MAP2K4: variants seen among roughly 807,000 people sequenced by gnomAD.
The protein encoded by MAP2K4 is dual specificity mitogen-activated protein kinase kinase 4.
MAP2K4 carries 4 observed loss-of-function variants against 48.5 expected under a neutral mutation model. The observed-to-expected ratio is 0.08, with a 90% confidence interval of 0.04 to 0.19. The LOEUF (loss-of-function observed/expected upper bound fraction) is 0.19, where lower values mean the gene tolerates loss of function less well. MAP2K4 is among the 10% of genes least tolerant of loss of function. MAP2K4 has a pLI of 1.00. For synonymous variants in MAP2K4, 166 were observed against 173.1 expected, an observed-to-expected ratio of 0.96 and a Z score of 0.32; for missense variants, 258 against 493.3, an observed-to-expected ratio of 0.52 and a Z score of 4.52.
chr17:12,027,342 T>C (rs1181146992), intron 1 of MAP2K4, among the ~76,000 whole-genome samples: 1 of 152,122 alleles, frequency 6.6e-6, no homozygotes, highest in Non-Finnish European at 1.5e-5. Context: ...AACACATTAT[T>C]CTCCACCACG....
At chr17:12,117,494 T>C (rs1972540813) in intron 7 of MAP2K4, among the ~76,000 whole-genome samples, 1 of 152,106 alleles carries the variant, frequency 6.6e-6, no homozygotes, top group African/African-American at 2.4e-5. Context: ...TAAGCATGCC[T>C]ACAAAGGGTA....
At chr17:12,046,509 T>G (rs1969968824) in intron 1 of MAP2K4, among the ~76,000 whole-genome samples, 1 of 152,158 alleles carries the variant, frequency 6.6e-6, no homozygotes, top group African/African-American at 2.4e-5. Flanking sequence ...CCTGTGGAAT[T>G]ATATATTTGC....
At chr17:12,051,508 A>G (rs947327128) in intron 1 of MAP2K4, among the ~76,000 whole-genome samples, 17 of 152,210 alleles carry the variant, frequency 1.1e-4, no homozygotes, top group African/African-American at 2.7e-4. Flanking sequence ...CTATAGTTAA[A>G]GGGACAATGT....
intron 9 of MAP2K4, 134 bp from the exon 10 acceptor site, chr17:12,139,705 C>T: frequency 1.7e-6 from 1 of 581,206 alleles, no homozygotes; most frequent in Non-Finnish European, 3.0e-6. Context: ...CTGTGTTTAG[C>T]AGGCTGTCTG....
intron 2 of MAP2K4, among the ~76,000 whole-genome samples, chr17:12,056,839 C>G (rs1970296271): frequency 6.6e-6 from 1 of 152,064 alleles, no homozygotes; most frequent in South Asian, 2.1e-4. Context: ...AGGATGAGTA[C>G]TTGCAATTAG....
intron 4 of MAP2K4, among the ~76,000 whole-genome samples, chr17:12,105,332 T>C (rs558679528): frequency 3.9e-5 from 6 of 152,314 alleles, no homozygotes; most frequent in Admixed American, 1.3e-4. Context: ...GTTATTGTTA[T>C]GTCCTTTAGT....
At chr17:12,073,480 T>C (rs1005923735) in intron 2 of MAP2K4, among the ~76,000 whole-genome samples, 1 of 152,192 alleles carries the variant, frequency 6.6e-6, no homozygotes, top group Non-Finnish European at 1.5e-5. Context: ...CAGTGAGTGC[T>C]CTGATTTGTA....
chr17:12,089,784 G>A (rs1178357664), intron 3 of MAP2K4, among the ~76,000 whole-genome samples: 1 of 152,200 alleles, frequency 6.6e-6, no homozygotes, highest in Non-Finnish European at 1.5e-5. Flanking sequence ...GTCCTTCCAT[G>A]TCAGTTTTCC....
intron 7 of MAP2K4, chr17:12,124,203 C>T (rs1320319441): frequency 1.3e-5 from 2 of 152,136 alleles, no homozygotes; most frequent in Non-Finnish European, 2.9e-5. Context: ...AACTATTATG[C>T]TTCTCTGGGC....
At chr17:12,068,011 G>A (rs934954215) in intron 2 of MAP2K4, among the ~76,000 whole-genome samples, 1 of 152,164 alleles carries the variant, frequency 6.6e-6, no homozygotes, top group African/African-American at 2.4e-5. Flanking sequence ...CTAAACTTGA[G>A]TGAGTTTTAC....
intron 1 of MAP2K4, among the ~76,000 whole-genome samples, chr17:12,035,258 C>G (rs1041582656): frequency 6.6e-6 from 1 of 152,218 alleles, no homozygotes; most frequent in Admixed American, 6.5e-5. Flanking sequence ...TGGCTCATGC[C>G]TGTAATCCCA....
In MAP2K4 at chr17:12,020,981, C is replaced by T. The variant is rs1326610085; in HGVS notation, c.95C>T (p.Pro32Leu). 2 of 1,212,352 alleles carry T rather than the reference C, an allele frequency of 1.6e-6. No homozygotes were observed. The highest frequency in any genetic ancestry group is 4.1e-5 in the South Asian group (1 of 24,180). The allele number at this position is 1,212,352 out of a possible 1,614,324, so 75.1% of individuals were successfully genotyped here. ...GTAGGGTCCCCGGCGCCAGGCCACC[C>T]GGCCGTCAGCAGCATGCAGGGTAAG... ...GPVGSPAPGH[P>L]AVSSMQGKRK... Residue 32 changes from proline (P) to leucine (L), a missense_variant, in exon 1 of 11, where the codon CCG becomes CTG. Physicochemically the swap from Pro to Leu is moderately conservative, Grantham distance 98. Around this residue, in one of 3 missense-constraint regions of MAP2K4, gnomAD observed 69 missense variants for 56.2 expected, o/e 1.23. Coordinates refer to ENST00000353533, the MANE Select transcript of MAP2K4 (RefSeq NM_003010.4).
rs548061111 is a variant in MAP2K4, at chr17:12,120,529, C to T, written c.814-4765C>T. Among the ~76,000 whole-genome samples, 3 of 84,252 alleles carry T rather than the reference C, an allele frequency of 3.6e-5. No individual in the cohort carries two copies. In the South Asian group the frequency reaches 2.0e-3, roughly 57 times the overall value. 55.3% of individuals were successfully genotyped at this position (84,252 alleles called of 152,430 possible). On this transcript the variant is annotated intron_variant, in intron 7 of 10. Transcript: ENST00000353533. ...TTTAAAGAAAATGGAAACAAGCTCCCTCATTCCCCCCCCCATAAAAAAGAA... is the reference window on the plus strand; with the variant it reads ...TTTAAAGAAAATGGAAACAAGCTCCTTCATTCCCCCCCCCATAAAAAAGAA...
intron 1 of MAP2K4, among the ~76,000 whole-genome samples, chr17:12,045,527 A>G (rs1485478235): frequency 1.3e-5 from 2 of 152,208 alleles, no homozygotes; most frequent in Non-Finnish European, 2.9e-5. Flanking sequence ...ACTTTTCTTG[A>G]CATAGCTTTC....
rs374346701 is a variant in MAP2K4 at position 12,081,886 on chromosome 17, G to A, written c.393+356G>A. ...AGCCAGGCGGGAGCTGGAAGAAGAC[G>A]CAGCACACTGGGTTGGGCAAGGTGC... On this transcript the variant is annotated intron_variant, in intron 3 of 10. Transcript: ENST00000353533. This position sits in a 1 kb window ranked among gnomAD's most constrained non-coding sequence, Gnocchi z 4.2. The A allele has an allele frequency of 4.1e-5, 22 of 540,402 alleles. No individual in the cohort carries two copies. Among genetic ancestry groups the A allele is most frequent in the African/African-American group, 1.9e-4 (10 of 52,376 alleles). The allele number at this position is 540,402 out of a possible 1,614,324, so 33.5% of individuals were successfully genotyped here.
rs140164033 is a variant in MAP2K4, at chr17:12,119,616, C to T, written c.814-5678C>T. On this transcript the variant is annotated intron_variant, in intron 7 of 10. Transcript: ENST00000353533. The stretch of plus-strand genomic sequence containing the variant: ...AGCTAAAAACAGAATTGTCATTCAA[C>T]CCAGCAGTTCCATTACTGGAAATGG... 2.6e-3 allele frequency among the ~76,000 whole-genome samples: 397 copies of T among 152,308 alleles called. 3 individuals are homozygous for T. The highest frequency in any genetic ancestry group is 8.9e-3 in the African/African-American group (372 of 41,568).
intron 2 of MAP2K4, among the ~76,000 whole-genome samples, chr17:12,078,675 G>C (rs924325856): frequency 1.3e-5 from 2 of 152,054 alleles, no homozygotes; most frequent in Admixed American, 6.6e-5. Context: ...CATCTTTATT[G>C]GTTTGTATTT....
intron 1 of MAP2K4, chr17:12,026,855 T>C (rs988375901): frequency 6.6e-6 from 1 of 152,228 alleles, no homozygotes; most frequent in Non-Finnish European, 1.5e-5. Flanking sequence ...CATGTTACAA[T>C]GTTCTAAACT....
At chr17:12,129,963 C>A (rs903057645) in intron 9 of MAP2K4, among the ~76,000 whole-genome samples, 1 of 152,110 alleles carries the variant, frequency 6.6e-6, no homozygotes, top group Non-Finnish European at 1.5e-5. Context: ...TAAATAAAAT[C>A]TTTTTGTGTT....
Sources: gnomAD v4.1 joint callset for allele counts (sites outside exome capture counted in the v4.1 genomes callset) on GRCh38, gnomAD v4.1.1 for gene constraint, gnomAD v4.1.1 regional missense constraint, Gnocchi (gnomAD v3.1) non-coding constraint, MANE v1.5 for transcripts, NCBI Gene and HGNC (gene_info 2026-07-23, HGNC 2026-07-21) for gene names.